AKT3: variants seen among roughly 807,000 people sequenced by gnomAD.
AKT3 encodes the protein RAC-gamma serine/threonine-protein kinase.
A neutral mutation model predicts 65.3 loss-of-function variants in AKT3; 15 were observed. The observed-to-expected ratio is 0.23, with a 90% CI of 0.15 to 0.35. AKT3 has a LOEUF of 0.35. Among genes scored for constraint, AKT3 ranks in the 10% least tolerant of loss-of-function variants. AKT3 has a pLI of 1.00. For missense variants in AKT3, 243 were observed against 576.5 expected, an observed-to-expected ratio of 0.42 and a Z score of 5.92; for synonymous variants, 206 against 183.8, an observed-to-expected ratio of 1.12 and a Z score of -0.98.
intron 2 of AKT3, among the ~76,000 whole-genome samples, chr1:243,738,262 T>C (rs1007007598): frequency 6.6e-6 from 1 of 152,202 alleles, no homozygotes; most frequent in Non-Finnish European, 1.5e-5. Flanking sequence ...AGTGGCTGCC[T>C]GTGATCTGAA....
rs186019032 is a variant in AKT3 at position 243,746,569 on chromosome 1, A to G, written c.47-50853T>C. Reference sequence around the variant, plus strand: ...TTATCAATAAAGAACACAGTATGACATAAGAAACTTCCAAGTTTGAACTAA... The same window carrying G: ...TTATCAATAAAGAACACAGTATGACGTAAGAAACTTCCAAGTTTGAACTAA... On this transcript the variant is annotated intron_variant, in intron 2 of 13. Coordinates refer to ENST00000673466, the MANE Select transcript of AKT3 (RefSeq NM_005465.7). 2.1e-3 allele frequency among the ~76,000 whole-genome samples: 314 copies of G among 152,354 alleles called. 3 individuals are homozygous for G. Among genetic ancestry groups the G allele is most frequent in the African/African-American group, 6.8e-3 (282 of 41,586 alleles).
At chr1:243,589,349 A>T (rs1017808660) in intron 8 of AKT3, among the ~76,000 whole-genome samples, 6 of 151,808 alleles carry the variant, frequency 4.0e-5, no homozygotes, top group African/African-American at 1.4e-4. Context: ...AAAGAAAAAA[A>T]ATCTGATCAA....
chr1:243,839,515 G>A (rs1695104766), intron 2 of AKT3, among the ~76,000 whole-genome samples: 1 of 152,020 alleles, frequency 6.6e-6, no homozygotes, highest in Non-Finnish European at 1.5e-5. Flanking sequence ...ACAATACTAT[G>A]GTAATGTGTT....
intron 2 of AKT3, among the ~76,000 whole-genome samples, chr1:243,798,533 C>A (rs955065933): frequency 6.7e-5 from 10 of 149,424 alleles, no homozygotes; most frequent in Admixed American, 5.5e-4. Flanking sequence ...AGACTTTGTG[C>A]CAGGCCTTCT....
intron 8 of AKT3, among the ~76,000 whole-genome samples, chr1:243,574,847 T>G (rs1674826076): frequency 6.6e-6 from 1 of 152,088 alleles, no homozygotes; most frequent in African/African-American, 2.4e-5. Context: ...TGATTAGGTT[T>G]CTAAATTTTC....
chr1:243,798,971 G>A (rs1248331447), intron 2 of AKT3, among the ~76,000 whole-genome samples: 1 of 152,224 alleles, frequency 6.6e-6, no homozygotes, highest in South Asian at 2.1e-4. Context: ...GGAAAGTGGG[G>A]TAGTGAACCC....
intron 3 of AKT3, among the ~76,000 whole-genome samples, chr1:243,670,372 T>C (rs1385446437): frequency 1.1e-4 from 17 of 152,214 alleles, no homozygotes; most frequent in Admixed American, 1.1e-3. Flanking sequence ...TAAATTACCA[T>C]GTTAAAACCA....
intron 8 of AKT3, among the ~76,000 whole-genome samples, chr1:243,594,007 A>C (rs1676424288): frequency 6.6e-6 from 1 of 152,240 alleles, no homozygotes; most frequent in Admixed American, 6.5e-5. Flanking sequence ...TGGAAGTAAA[A>C]CTGCTATTAT....
chr1:243,822,447 G>C (rs1012645106), intron 2 of AKT3, among the ~76,000 whole-genome samples: 2 of 144,298 alleles, frequency 1.4e-5, no homozygotes, highest in African/African-American at 2.6e-5. Flanking sequence ...CTGAAGGAGA[G>C]AGAGACACTA....
chr1:243,570,166 G>C (rs1674457055), intron 9 of AKT3, among the ~76,000 whole-genome samples: 1 of 152,184 alleles, frequency 6.6e-6, no homozygotes, highest in Admixed American at 6.5e-5. Flanking sequence ...GCACATAAAA[G>C]AAGGCTCTGC....
At chr1:243,843,339 A>G (rs937517981) in intron 1 of AKT3, 57 bp from the exon 2 acceptor site, 1 of 1,342,344 alleles carries the variant, frequency 7.4e-7, no homozygotes, top group Non-Finnish European at 9.6e-7. Context: ...TCACAGAGCA[A>G]TAACAAACAA....
intron 5 of AKT3, among the ~76,000 whole-genome samples, chr1:243,645,490 A>G (rs1282124286): frequency 6.6e-6 from 1 of 152,238 alleles, no homozygotes; most frequent in Non-Finnish European, 1.5e-5. Flanking sequence ...TGAGGGCACC[A>G]ATCAGGAAGT....
intron 2 of AKT3, among the ~76,000 whole-genome samples, chr1:243,734,352 T>C (rs1687725457): frequency 6.6e-6 from 1 of 152,214 alleles, no homozygotes; most frequent in South Asian, 2.1e-4. Context: ...AGTCATGCAT[T>C]GCTTAATGAT....
chr1:243,837,402 A>T (rs1053623060), intron 2 of AKT3, among the ~76,000 whole-genome samples: 5 of 152,196 alleles, frequency 3.3e-5, no homozygotes, highest in Admixed American at 6.5e-5. Flanking sequence ...TGAAGAAAAA[A>T]TACAATCCAC....
chr1:243,799,084 A>G (rs1692223839), intron 2 of AKT3, among the ~76,000 whole-genome samples: 1 of 152,208 alleles, frequency 6.6e-6, no homozygotes, highest in Admixed American at 6.5e-5. Flanking sequence ...GAACTAGGGC[A>G]GGCACTAGAT....
chr1:243,693,199 C>T (rs771978624), intron 3 of AKT3, among the ~76,000 whole-genome samples: 7 of 120,854 alleles, frequency 5.8e-5, no homozygotes, highest in African/African-American at 1.2e-4. Context: ...CTTTAATTAT[C>T]AGAAAAATGA....
intron 12 of AKT3, among the ~76,000 whole-genome samples, chr1:243,534,825 T>C (rs1264014954): frequency 6.6e-6 from 1 of 152,140 alleles, no homozygotes; most frequent in Non-Finnish European, 1.5e-5. Flanking sequence ...ATTTGTGAGA[T>C]ACAGTTAAAA....
intron 3 of AKT3, among the ~76,000 whole-genome samples, chr1:243,676,746 A>G (rs1683549206): frequency 6.6e-6 from 1 of 152,082 alleles, no homozygotes; most frequent in Non-Finnish European, 1.5e-5. Flanking sequence ...TAAGCCACCA[A>G]CATTCATGTT....
intron 2 of AKT3, among the ~76,000 whole-genome samples, chr1:243,757,405 G>A (rs977060929): frequency 2.0e-5 from 3 of 152,216 alleles, no homozygotes; most frequent in South Asian, 2.1e-4. Context: ...ATCACCTGAG[G>A]TCAGGACTTC....
Sources: allele counts gnomAD v4.1 joint callset (sites outside exome capture counted in the v4.1 genomes callset), GRCh38; gene constraint gnomAD v4.1.1; transcripts MANE v1.5; gene names NCBI Gene and HGNC (gene_info 2026-07-23, HGNC 2026-07-21).